EYA2: variants seen among roughly 807,000 people sequenced by gnomAD.
EYA2 encodes EYA transcriptional coactivator and phosphatase 2.
A neutral mutation model predicts 69.2 loss-of-function variants in EYA2; 31 were observed. The observed-to-expected ratio is 0.45, with a 90% CI of 0.34 to 0.60. EYA2 has a LOEUF of 0.60. Ranked by LOEUF, EYA2 falls within the 20% of genes least tolerant of loss-of-function variation. EYA2 has a pLI of 0.02. For missense variants in EYA2, 622 were observed against 701.2 expected, an observed-to-expected ratio of 0.89 and a Z score of 1.28; for synonymous variants, 257 against 279.4, an observed-to-expected ratio of 0.92 and a Z score of 0.80.
chr20:47,014,857 A>G (rs1431748974), intron 4 of EYA2, among the ~76,000 whole-genome samples: 1 of 152,164 alleles, frequency 6.6e-6, no homozygotes, highest in East Asian at 1.9e-4. Context: ...CCAAAAGTTA[A>G]TGAATAGGAA....
intron 10 of EYA2, among the ~76,000 whole-genome samples, chr20:47,145,716 T>C (rs2033686418): frequency 6.6e-6 from 1 of 151,910 alleles, no homozygotes; most frequent in Non-Finnish European, 1.5e-5. Flanking sequence ...CTGGCCAACA[T>C]GATGAAACCC....
At chr20:47,160,500 G>A (rs2034043106) in intron 10 of EYA2, among the ~76,000 whole-genome samples, 1 of 152,134 alleles carries the variant, frequency 6.6e-6, no homozygotes. Context: ...GCGGGGGGCG[G>A]TGCGGGCAGT....
At chr20:46,921,173 G>A (rs1985161244) in intron 1 of EYA2, among the ~76,000 whole-genome samples, 1 of 152,252 alleles carries the variant, frequency 6.6e-6, no homozygotes, top group African/African-American at 2.4e-5. Context: ...CTGACACAGG[G>A]CTGTGGAGAC....
At chr20:47,065,047 A>G (rs544242399) in intron 5 of EYA2, among the ~76,000 whole-genome samples, 7 of 152,320 alleles carry the variant, frequency 4.6e-5, no homozygotes, top group Admixed American at 2.0e-4. Flanking sequence ...GCAAGAGAAC[A>G]TGTGCAGGGG....
chr20:47,138,086 A>G (rs1018654278), intron 9 of EYA2, among the ~76,000 whole-genome samples: 1 of 151,880 alleles, frequency 6.6e-6, no homozygotes, highest in Non-Finnish European at 1.5e-5. Flanking sequence ...ACATGTATAC[A>G]TATGTAACTA....
chr20:47,065,501 A>AG (rs2031075601), intron 5 of EYA2, among the ~76,000 whole-genome samples: 1 of 151,880 alleles, frequency 6.6e-6, no homozygotes, highest in South Asian at 2.1e-4. Flanking sequence ...CAATTAGGGG[A>AG]GAAAAAAAAA....
chr20:47,078,987 TC>T (rs2031622734), intron 7 of EYA2, among the ~76,000 whole-genome samples: 1 of 152,264 alleles, frequency 6.6e-6, no homozygotes, highest in African/African-American at 2.4e-5. Flanking sequence ...CTTATTTTTT[TC>T]ACTGATTAAA....
intron 1 of EYA2, among the ~76,000 whole-genome samples, chr20:46,973,867 A>T (rs1243041236): frequency 6.6e-6 from 1 of 152,052 alleles, no homozygotes; most frequent in African/African-American, 2.4e-5. Context: ...GAATAAAAAC[A>T]TTTTTAAAAA....
At chr20:46,918,909 A>G (rs1336310701) in intron 1 of EYA2, among the ~76,000 whole-genome samples, 1 of 152,266 alleles carries the variant, frequency 6.6e-6, no homozygotes, top group Non-Finnish European at 1.5e-5. Flanking sequence ...CATGGGCTGC[A>G]GAATGGATGC....
chr20:47,103,067 G>A (rs535374703), intron 9 of EYA2, among the ~76,000 whole-genome samples: 1 of 152,028 alleles, frequency 6.6e-6, no homozygotes, highest in South Asian at 2.1e-4. Flanking sequence ...TCAACTCCAG[G>A]ACCTGTTGTT....
chr20:47,016,339 A>T, intron 5 of EYA2, 42 bp downstream of exon 5: 2 of 1,492,954 alleles, frequency 1.3e-6, no homozygotes, highest in African/African-American at 1.4e-5. Context: ...ATCTCTAAGG[A>T]CCACCTAAGT....
intron 9 of EYA2, among the ~76,000 whole-genome samples, chr20:47,109,295 G>A (rs185024805): frequency 6.6e-6 from 1 of 152,172 alleles, no homozygotes; most frequent in East Asian, 1.9e-4. Context: ...AGCCTCAAAG[G>A]CACAGCTTGA....
intron 1 of EYA2, among the ~76,000 whole-genome samples, chr20:46,957,515 G>T (rs898971649): frequency 6.7e-6 from 1 of 149,176 alleles, no homozygotes; most frequent in South Asian, 2.1e-4. Flanking sequence ...ATAGGAGAGA[G>T]GCAGAAGGAG....
At chr20:46,986,215 G>A (rs1371280435) in intron 1 of EYA2, among the ~76,000 whole-genome samples, 1 of 151,256 alleles carries the variant, frequency 6.6e-6, no homozygotes, top group South Asian at 2.1e-4. Flanking sequence ...CACCCAGGAT[G>A]CATGTATACG....
At chr20:47,104,063 T>C (rs959739719) in intron 9 of EYA2, among the ~76,000 whole-genome samples, 6 of 152,186 alleles carry the variant, frequency 3.9e-5, no homozygotes, top group Admixed American at 2.6e-4. Context: ...CCATCAGCCA[T>C]GTAAAATGGC....
At chr20:47,073,117 A>G (rs1034649735) in intron 6 of EYA2, among the ~76,000 whole-genome samples, 4 of 152,196 alleles carry the variant, frequency 2.6e-5, no homozygotes, top group Non-Finnish European at 5.9e-5. Context: ...TTTCAAAAAC[A>G]CTGACCACCC....
At chr20:46,899,993 T>C (rs1042562096) in intron 1 of EYA2, among the ~76,000 whole-genome samples, 1 of 152,228 alleles carries the variant, frequency 6.6e-6, no homozygotes, top group African/African-American at 2.4e-5. Flanking sequence ...AAGTATGTAA[T>C]AGAGGTTAGA....
At chr20:47,096,727 A>G (rs1296450667) in intron 8 of EYA2, among the ~76,000 whole-genome samples, 1 of 152,256 alleles carries the variant, frequency 6.6e-6, no homozygotes, top group Non-Finnish European at 1.5e-5. Context: ...AGTTGAGCGT[A>G]TGGTGAACAG....
At chr20:47,116,030 A>G (rs1483283898) in intron 9 of EYA2, among the ~76,000 whole-genome samples, 5 of 152,244 alleles carry the variant, frequency 3.3e-5, no homozygotes, top group Non-Finnish European at 7.4e-5. Flanking sequence ...TGGTATCCTT[A>G]GGGACGCTTC....
Sources: allele counts gnomAD v4.1 joint callset (sites outside exome capture counted in the v4.1 genomes callset), GRCh38; gene constraint gnomAD v4.1.1; transcripts MANE v1.5; gene names NCBI Gene and HGNC (gene_info 2026-07-23, HGNC 2026-07-21).